The following ABCA3 variants were observed in gnomAD, a reference collection of about 807,000 sequenced individuals.
ABCA3 encodes ATP binding cassette subfamily A member 3.
A neutral mutation model predicts 172.8 loss-of-function variants in ABCA3; 88 were observed. The ratio of observed to expected loss-of-function variants is 0.51; its 90% CI spans 0.43 to 0.61. The LOEUF (loss-of-function observed/expected upper bound fraction) is 0.61. Ranked by LOEUF, ABCA3 falls within the 20% of genes least tolerant of loss-of-function variation. The pLI, the probability that ABCA3 is intolerant of heterozygous loss-of-function variation, is 0.00. For missense variants in ABCA3, 2,164 were observed against 2,301.0 expected, an observed-to-expected ratio of 0.94 and a Z score of 1.22; for synonymous variants, 1,066 against 983.8, an observed-to-expected ratio of 1.08 and a Z score of -1.56.
chr16:2,303,129 A>G (rs2093692107), intron 12 of ABCA3, among the ~76,000 whole-genome samples: 1 of 151,706 alleles, frequency 6.6e-6, no homozygotes, highest in Non-Finnish European at 1.5e-5. Context: ...ACTATGCTAT[A>G]TGTCCATCCA....
At chr16:2,319,373 T>C (rs1377612824) in intron 8 of ABCA3, among the ~76,000 whole-genome samples, 1 of 151,590 alleles carries the variant, frequency 6.6e-6, no homozygotes, top group Non-Finnish European at 1.5e-5. Context: ...TAGTCCCAAC[T>C]ACTCGGGAGG....
chr16:2,299,068 CGGTG>C (rs2093684710), intron 14 of ABCA3, among the ~76,000 whole-genome samples: 3 of 145,800 alleles, frequency 2.1e-5, no homozygotes, highest in African/African-American at 7.5e-5. Context: ...TGGACAGAGG[CGGTG>C]AGGAGGGCAG....
chr16:2,309,914 C>T (rs144809814), intron 10 of ABCA3, among the ~76,000 whole-genome samples: 54 of 152,268 alleles, frequency 3.5e-4, no homozygotes, highest in African/African-American at 1.3e-3. Context: ...GCCACCGTGC[C>T]CAGCCATCAA....
intron 1 of ABCA3, chr16:2,339,417 G>C (rs184595196): frequency 2.6e-5 from 4 of 152,216 alleles, no homozygotes; most frequent in Non-Finnish European, 5.9e-5. Context: ...AATTATCTAA[G>C]AAGTTAAAAA....
chr16:2,308,379 G>A (rs1321165299), intron 11 of ABCA3, 71 bp downstream of exon 11: 20 of 1,589,972 alleles, frequency 1.3e-5, no homozygotes, highest in Admixed American at 3.4e-5. Flanking sequence ...TGCTGCTGGC[G>A]GCTCTTGTGG....
Position 2,285,062 on chromosome 16 carries a change from G to A in ABCA3, c.3484-64C>T. ...CTGAGAGGAGCTCACGGGTAGGGAAGGGGTGAGAGGAGCATTTGGAGGTCC... is the reference window on the plus strand; with the variant it reads ...CTGAGAGGAGCTCACGGGTAGGGAAAGGGTGAGAGGAGCATTTGGAGGTCC... On this transcript the variant is annotated intron_variant, in intron 23 of 32. Coordinates refer to ENST00000301732, the MANE Select transcript of ABCA3 (RefSeq NM_001089.3). This position sits in a 1 kb window ranked among gnomAD's most constrained non-coding sequence, Gnocchi z 4.7. 6.5e-7 allele frequency: 1 copy of A among 1,543,534 alleles called. No individual in the cohort carries two copies. The highest frequency in any genetic ancestry group is 8.8e-7 in the Non-Finnish European group (1 of 1,136,724).
At position 2,291,774 on chromosome 16, in the gene ABCA3, C is replaced by T. The variant is rs746118483; in HGVS notation, c.2513+366G>A. Among the ~76,000 whole-genome samples the T allele has an allele frequency of 2.6e-5, 4 of 152,184 alleles. No individual in the cohort carries two copies. In the East Asian group the frequency reaches 7.7e-4, roughly 29 times the overall value. ...TAACCGAGGTGACTGTTTATCACTG[C>T]ACTTTTTAGAAGTCCTCGGCTGAGC... On this transcript the variant is annotated intron_variant, in intron 19 of 32. Coordinates refer to ENST00000301732, the MANE Select transcript of ABCA3 (RefSeq NM_001089.3).
chr16:2,299,434 G>C lies in ABCA3; in HGVS notation c.1710C>G (p.Ala570=), dbSNP rs779122152. The C allele has an allele frequency of 1.2e-6, 2 of 1,613,808 alleles. No individual in the cohort carries two copies. Among genetic ancestry groups the C allele is most frequent in the Non-Finnish European group, 1.7e-6 (2 of 1,179,974 alleles). The change falls in exon 14 of 33, where the codon GCC becomes GCG. Residue 570 remains alanine, a synonymous_variant. Transcript: ENST00000301732. ...QITVLLGHNG[A]GKTTTLSMLT... ...GCATGGAGAGGGTGGTGGTCTTCCC[G>C]GCACCGTTGTGGCCCAGCAGGACGG... is the stretch of plus-strand genomic sequence containing the variant.
chr16:2,283,400 C>G lies in ABCA3; in HGVS notation c.3863-42G>C, dbSNP rs200483180. ...TCACTGTGCCCCGAGGCCTGGGGCA[C>G]CCTCCTCCCCTTCCAGGTTCCCGGC... On this transcript the variant is annotated intron_variant, in intron 25 of 32. Coordinates refer to ENST00000301732, the MANE Select transcript of ABCA3 (RefSeq NM_001089.3). This position sits in a 1 kb window ranked among gnomAD's most constrained non-coding sequence, Gnocchi z 5.4. 2.7e-5 allele frequency: 43 copies of G among 1,600,328 alleles called. No individual in the cohort carries two copies. The East Asian group carries it at 9.2e-4, about 34-fold the overall frequency.
Position 2,300,135 on chromosome 16 carries a change from C to T in ABCA3, c.1481G>A (p.Cys494Tyr), listed in dbSNP as rs780794159. The part of the protein sequence containing the change: ...WYFFIMPSYW[C>Y]GKPRAVAGKE... ...CCCTGCAACCGCCCTTGGCTTCCCA[C>T]ACCAATAGGAGGGCTGGGAGGGAAG... The change falls in exon 13 of 33, where the codon TGT (cysteine) becomes TAT (tyrosine). Residue 494 changes from cysteine to tyrosine, a missense_variant. Around this residue, in one of 3 missense-constraint regions of ABCA3, gnomAD observed 1,343 missense variants for 1,369.6 expected, o/e 0.98. Transcript: ENST00000301732. 5.6e-6 allele frequency: 9 copies of T among 1,613,498 alleles called. No individual in the cohort carries two copies. The highest frequency in any genetic ancestry group is 6.8e-6 in the Non-Finnish European group (8 of 1,179,932).
chr16:2,293,769 C>A (rs1450372844), intron 18 of ABCA3, among the ~76,000 whole-genome samples: 3 of 151,606 alleles, frequency 2.0e-5, no homozygotes, highest in Non-Finnish European at 2.9e-5. Context: ...TCTCGATCTC[C>A]TGACCTCGTG....
chr16:2,299,547 G>C lies in ABCA3; in HGVS notation c.1612-15C>G, dbSNP rs771449539. ...ACCCTGAACACCTGCAGGAAAGGCA[G>C]AGGCTGCCCTGGGCTACCCACAGCC... On this transcript the variant is annotated splice_polypyrimidine_tract_variant and intron_variant, in intron 13 of 32. Coordinates refer to ENST00000301732, the MANE Select transcript of ABCA3 (RefSeq NM_001089.3). 8.1e-6 allele frequency: 13 copies of C among 1,612,342 alleles called. No individual in the cohort carries two copies. The highest frequency in any genetic ancestry group is 1.0e-5 in the Non-Finnish European group (12 of 1,179,990).
chr16:2,279,821 A>C lies in ABCA3; in HGVS notation c.4360-691T>G, dbSNP rs2141689539. On this transcript the variant is annotated intron_variant, in intron 28 of 32. Coordinates refer to ENST00000301732, the MANE Select transcript of ABCA3 (RefSeq NM_001089.3). This position sits in a 1 kb window ranked among gnomAD's most constrained non-coding sequence, Gnocchi z 4.4. ...GAGCGCAGTGGCATGATCTCGGCTC[A>C]CTACAACCTCTGCCTCCCAGGCTCA... is the stretch of plus-strand genomic sequence containing the variant. Among the ~76,000 whole-genome samples the C allele has an allele frequency of 6.7e-6, 1 of 149,492 alleles. No homozygotes were observed. The highest frequency in any genetic ancestry group is 2.1e-4 in the South Asian group (1 of 4,776).
rs1376996909 is a variant in ABCA3 at position 2,283,066 on chromosome 16, A to C, written c.4035+120T>G. On this transcript the variant is annotated intron_variant, in intron 26 of 32. Coordinates refer to ENST00000301732, the MANE Select transcript of ABCA3 (RefSeq NM_001089.3). The surrounding 1 kb of genome is among the most constrained non-coding windows in gnomAD (Gnocchi z 5.4). ...TGGTGCTGAGGCCGTACAGTGGGAG[A>C]CCATCTGGTGCAGGAGCTGCCTGGT... 4 of 1,163,168 alleles carry C rather than the reference A, an allele frequency of 3.4e-6. No individual in the cohort carries two copies. Among genetic ancestry groups the C allele is most frequent in the Non-Finnish European group, 3.7e-6 (3 of 804,722 alleles). 72.1% of individuals were successfully genotyped at this position (1,163,168 alleles called of 1,614,324 possible).
chr16:2,306,261 G>A (rs1007221556), intron 11 of ABCA3, among the ~76,000 whole-genome samples: 1 of 152,062 alleles, frequency 6.6e-6, no homozygotes, highest in African/African-American at 2.4e-5. Context: ...GGAGGTCGAG[G>A]CTACAGTGAG....
rs531167497 is a variant in ABCA3 at position 2,334,335 on chromosome 16, T to C, written c.-538-4481A>G. Among the ~76,000 whole-genome samples the C allele has an allele frequency of 2.0e-5, 3 of 152,248 alleles. No homozygotes were observed. The South Asian group carries it at 6.2e-4, about 32-fold the overall frequency. On this transcript the variant is annotated intron_variant, in intron 1 of 32. Transcript: ENST00000301732. ...GGGCCCATGTCATCAAGGCGCTGGA[T>C]GTTGCACCAAGAAGGGAGCTCGGGG...
rs764506198 is a variant in ABCA3, at chr16:2,317,385, C to T, written c.1009G>A (p.Val337Met). Residue 337 changes from valine to methionine, a missense_variant, in exon 10 of 33, where the codon GTG becomes ATG. Val to Met is a conservative substitution (Grantham distance 21). This residue lies in a region of ABCA3 where 1,343 missense variants were observed against 1,369.6 expected (regional missense o/e 0.98). Transcript: ENST00000301732. ...FCVKVKPNVA[V>M]LSRSDPSLVL... ...AGGGAGGGGTCGCTGCGGGACAGCA[C>T]GGCTACATTTGGCTTCACCTGCAGG... is the stretch of plus-strand genomic sequence containing the variant. 19 of 1,613,740 alleles carry T rather than the reference C, an allele frequency of 1.2e-5. No homozygotes were observed. Among genetic ancestry groups the T allele is most frequent in the East Asian group, 8.9e-5 (4 of 44,880 alleles).
At chr16:2,327,020 G>C (rs555293455) in intron 3 of ABCA3, among the ~76,000 whole-genome samples, 18 of 152,290 alleles carry the variant, frequency 1.2e-4, no homozygotes, top group Non-Finnish European at 1.9e-4. Context: ...AACCCAAAGA[G>C]CATAGTCTTT....
chr16:2,338,749 A>ATTT (rs2093755771), intron 1 of ABCA3, among the ~76,000 whole-genome samples: 1 of 133,544 alleles, frequency 7.5e-6, no homozygotes, highest in African/African-American at 3.2e-5. Flanking sequence ...TGTCCAATTC[A>ATTT]TCTTTTTTTT....
Sources: allele counts gnomAD v4.1 joint callset (sites outside exome capture counted in the v4.1 genomes callset), GRCh38; gene constraint gnomAD v4.1.1; regional missense constraint gnomAD v4.1.1; non-coding constraint Gnocchi (gnomAD v3.1); transcripts MANE v1.5; gene names NCBI Gene and HGNC (gene_info 2026-07-23, HGNC 2026-07-21).